Variants in PCTP observed in about 807,000 individuals in gnomAD.
PCTP encodes the protein phosphatidylcholine transfer protein.
Under a neutral mutation model 31.0 loss-of-function variants are expected in PCTP, and 27 were observed. That is an observed-to-expected ratio of 0.87 (90% CI 0.64 to 1.20). The LOEUF (loss-of-function observed/expected upper bound fraction) is 1.20, where lower values mean the gene tolerates loss of function less well. PCTP is among the 50% of genes most tolerant of loss of function. PCTP has a pLI of 0.00. For synonymous variants in PCTP, 108 were observed against 101.2 expected, an observed-to-expected ratio of 1.07 and a Z score of -0.40; for missense variants, 287 against 268.2, an observed-to-expected ratio of 1.07 and a Z score of -0.49.
intron 3 of PCTP, among the ~76,000 whole-genome samples, chr17:55,813,604 C>T (rs947411258): frequency 2.6e-5 from 4 of 152,234 alleles, no homozygotes; most frequent in African/African-American, 7.2e-5. Context: ...TGTGAGCCAC[C>T]GTGCCTGGCC....
intron 3 of PCTP, among the ~76,000 whole-genome samples, chr17:55,804,940 T>C (rs1164216125): frequency 6.6e-6 from 1 of 152,100 alleles, no homozygotes; most frequent in Non-Finnish European, 1.5e-5. Flanking sequence ...ATATGGGTTT[T>C]TTTAAAAAAA....
intron 5 of PCTP, among the ~76,000 whole-genome samples, chr17:55,839,582 G>T (rs1358266976): frequency 6.6e-6 from 1 of 152,144 alleles, no homozygotes. Context: ...GGAGCTAACT[G>T]GGGTGCAGGA....
At position 55,767,347 on chromosome 17, in the gene PCTP, T is replaced by C. The variant is rs200541759; in HGVS notation, c.154T>C (p.Tyr52His). 756 of 1,607,654 alleles carry C rather than the reference T, an allele frequency of 4.7e-4. 1 individual carries two copies. Among genetic ancestry groups the C allele is most frequent in the Non-Finnish European group, 6.0e-4 (705 of 1,174,664 alleles). Reference protein sequence around the residue: ...YRLLDKKTGLYEYKVFGVLED... With the variant: ...YRLLDKKTGLHEYKVFGVLED... Reference sequence around the variant, plus strand: ...TCTGTTTTTATAGAAGACTGGACTTTATGAGTATAAAGTCTTTGGTGTTCT... The same window carrying C: ...TCTGTTTTTATAGAAGACTGGACTTCATGAGTATAAAGTCTTTGGTGTTCT... The change falls in exon 2 of 6, where the codon TAT becomes CAT. Residue 52 changes from tyrosine to histidine, a missense_variant. Physicochemically the swap from Tyr to His is moderately conservative, Grantham distance 83. Transcript: ENST00000268896.
In PCTP at chr17:55,816,689, A is replaced by T. The variant is rs372168462; in HGVS notation, c.318-6072A>T. Reference sequence around the variant, plus strand: ...TGTTCAATGATATAACACGGACGCCATCAGCTCAACAAATCAGAAATCGAT... The same window carrying T: ...TGTTCAATGATATAACACGGACGCCTTCAGCTCAACAAATCAGAAATCGAT... On this transcript the variant is annotated intron_variant, in intron 3 of 3. Coordinates refer to the PCTP transcript ENST00000572536. Among the ~76,000 whole-genome samples the T allele has an allele frequency of 1.4e-4, 22 of 152,304 alleles. No individual in the cohort carries two copies. In the East Asian group the frequency reaches 3.5e-3, roughly 24 times the overall value.
chr17:55,774,988 A>G (rs1911250331), intron 5 of PCTP, 129 bp downstream of exon 5: 1 of 1,025,928 alleles, frequency 9.7e-7, no homozygotes, highest in Non-Finnish European at 1.5e-6. Context: ...TTTTATGAAG[A>G]GTTTGGTTGA....
At chr17:55,816,602 C>G (rs541221118) in intron 3 of PCTP, among the ~76,000 whole-genome samples, 3 of 152,294 alleles carry the variant, frequency 2.0e-5, no homozygotes, top group Non-Finnish European at 2.9e-5. Context: ...GAAAAGACAG[C>G]CTATGAGTCA....
chr17:55,834,604 C>T lies in PCTP; in HGVS notation n.506-8123C>T, dbSNP rs993317096. On this transcript the variant is annotated intron_variant and non_coding_transcript_variant, in intron 5 of 5. Coordinates refer to the PCTP transcript ENST00000576221. The stretch of plus-strand genomic sequence containing the variant: ...CATCGCTTGTGTGTGTGTATAGGAA[C>T]ATGCCCTTTGGGAGCCCCATGCACA... Among the ~76,000 whole-genome samples, 125 of 152,310 alleles carry T rather than the reference C, an allele frequency of 8.2e-4. 1 individual carries two copies. Among genetic ancestry groups the T allele is most frequent in the African/African-American group, 2.9e-3 (121 of 41,558 alleles).
At chr17:55,836,366 A>G (rs907120785) in intron 5 of PCTP, among the ~76,000 whole-genome samples, 1 of 152,234 alleles carries the variant, frequency 6.6e-6, no homozygotes, top group African/African-American at 2.4e-5. Flanking sequence ...GGTTTAGTCC[A>G]CCATTATGTC....
At chr17:55,804,468 T>C (rs1211638593) in intron 3 of PCTP, among the ~76,000 whole-genome samples, 2 of 152,168 alleles carry the variant, frequency 1.3e-5, no homozygotes, top group African/African-American at 4.8e-5. Context: ...CCAATCCAAA[T>C]GCCCATAAAT....
Position 55,839,646 on chromosome 17 carries a change from C to T in PCTP, n.506-3081C>T, listed in dbSNP as rs1006360549. 3.9e-5 allele frequency among the ~76,000 whole-genome samples: 6 copies of T among 152,054 alleles called. No individual in the cohort carries two copies. The East Asian group carries it at 9.6e-4, about 24-fold the overall frequency. On this transcript the variant is annotated intron_variant and non_coding_transcript_variant, in intron 5 of 5. Transcript: ENST00000576221. ...TGGTGATAAACAACAACTGGCCGGGCGCGGTGGCTCACGCCTGTAATCCCA... is the reference window on the plus strand; with the variant it reads ...TGGTGATAAACAACAACTGGCCGGGTGCGGTGGCTCACGCCTGTAATCCCA...
rs574559409 is a variant in PCTP, at chr17:55,840,701, C to T, written n.506-2026C>T. On this transcript the variant is annotated intron_variant and non_coding_transcript_variant, in intron 5 of 5. Coordinates refer to the PCTP transcript ENST00000576221. ...TTATTAATGTTGACTTCTTACTGTG[C>T]CTAATTTATAAATTAAACCTTATCA... 7.2e-5 allele frequency among the ~76,000 whole-genome samples: 11 copies of T among 152,214 alleles called. No homozygotes were observed. In the South Asian group the frequency reaches 2.1e-3, roughly 29 times the overall value.
intron 5 of PCTP, among the ~76,000 whole-genome samples, chr17:55,830,082 A>G (rs931462024): frequency 2.6e-5 from 4 of 152,228 alleles, no homozygotes; most frequent in Non-Finnish European, 4.4e-5. Context: ...GTAATGAGCA[A>G]TCAACCTTGT....
chr17:55,815,767 G>T (rs1438290823), intron 3 of PCTP, among the ~76,000 whole-genome samples: 2 of 152,154 alleles, frequency 1.3e-5, no homozygotes, highest in Non-Finnish European at 2.9e-5. Flanking sequence ...CTGCCAACAG[G>T]TTCAAGTCTG....
At chr17:55,786,551 G>A (rs949285185) in intron 2 of PCTP, among the ~76,000 whole-genome samples, 2 of 152,050 alleles carry the variant, frequency 1.3e-5, no homozygotes, top group Non-Finnish European at 2.9e-5. Flanking sequence ...CTGCCTATCT[G>A]TTACTTTCAT....
the PCTP span, among the ~76,000 whole-genome samples, chr17:55,848,677 C>T: frequency 3.9e-5 from 6 of 152,170 alleles, no homozygotes; most frequent in Admixed American, 3.9e-4. Flanking sequence ...TGGCCTTAAC[C>T]CATTCAATCC....
At chr17:55,843,985 C>T (rs1408679006), downstream of PCTP, among the ~76,000 whole-genome samples, 1 of 152,152 alleles carries the variant, frequency 6.6e-6, no homozygotes, top group Non-Finnish European at 1.5e-5. Flanking sequence ...TTTCCAAGGT[C>T]AGCAGTTTAC....
intron 1 of PCTP, among the ~76,000 whole-genome samples, chr17:55,760,137 G>A (rs928871330): frequency 6.6e-6 from 1 of 152,062 alleles, no homozygotes; most frequent in African/African-American, 2.4e-5. Context: ...CCTGTCTCCA[G>A]CCTCCATTTC....
chr17:55,812,888 C>T (rs1912798846), intron 3 of PCTP, among the ~76,000 whole-genome samples: 1 of 152,194 alleles, frequency 6.6e-6, no homozygotes, highest in African/African-American at 2.4e-5. Context: ...AGAAAAAGTT[C>T]TCAGTCACCC....
At chr17:55,771,002 G>A in intron 2 of PCTP, 104 bp from the exon 3 acceptor site, 1 of 820,322 alleles carries the variant, frequency 1.2e-6, no homozygotes, top group Non-Finnish European at 2.1e-6. Context: ...AAAAGTGCTG[G>A]GATTACAGGC....
Sources: gnomAD v4.1 joint callset for allele counts (sites outside exome capture counted in the v4.1 genomes callset) on GRCh38, gnomAD v4.1.1 for gene constraint, MANE v1.5 for transcripts, NCBI Gene and HGNC (gene_info 2026-07-23, HGNC 2026-07-21) for gene names.